Variants in NSUN6 observed in about 807,000 individuals in gnomAD.
The protein encoded by NSUN6 is tRNA (cytosine(72)-C(5))-methyltransferase NSUN6.
Under a neutral mutation model 58.0 loss-of-function variants are expected in NSUN6, and 64 were observed. The observed-to-expected ratio is 1.10, with a 90% CI of 0.90 to 1.36. NSUN6 has a LOEUF of 1.36. Among genes scored for constraint, NSUN6 ranks in the 40% most tolerant of loss-of-function variants. The probability of loss-of-function intolerance (pLI) is 0.00; values close to 1 mark genes in which losing one functional copy is unlikely to be tolerated. For missense variants in NSUN6, 701 were observed against 550.1 expected, an observed-to-expected ratio of 1.27 and a Z score of -2.74; for synonymous variants, 231 against 193.9, an observed-to-expected ratio of 1.19 and a Z score of -1.59.
intron 9 of NSUN6, among the ~76,000 whole-genome samples, chr10:18,550,088 G>A (rs1226229977): frequency 1.3e-5 from 2 of 152,214 alleles, no homozygotes; most frequent in African/African-American, 4.8e-5. Context: ...CTATATTCTA[G>A]TTCTCTCTGA....
chr10:18,583,929 C>A (rs7895775), intron 8 of NSUN6, among the ~76,000 whole-genome samples: 1 of 152,014 alleles, frequency 6.6e-6, no homozygotes. Context: ...GTTTCCTACT[C>A]AGCCCTTCAG....
rs548328198 is a variant in NSUN6 at position 18,627,742 on chromosome 10, G to A, written c.312-11449C>T. Among the ~76,000 whole-genome samples, 5 of 152,298 alleles carry A rather than the reference G, an allele frequency of 3.3e-5. No homozygotes were observed. The East Asian group carries it at 7.7e-4, about 24-fold the overall frequency. Reference sequence around the variant, plus strand: ...GGAGCACCAGGAGACTATATCCCGCGGCTCGGAGGGTCCTACGCCCACGGA... The same window carrying A: ...GGAGCACCAGGAGACTATATCCCGCAGCTCGGAGGGTCCTACGCCCACGGA... On this transcript the variant is annotated intron_variant, in intron 3 of 10. Coordinates refer to ENST00000377304, the MANE Select transcript of NSUN6 (RefSeq NM_182543.5).
chr10:18,640,539 G>A (rs895202145), intron 3 of NSUN6, among the ~76,000 whole-genome samples: 1 of 152,118 alleles, frequency 6.6e-6, no homozygotes, highest in Non-Finnish European at 1.5e-5. Flanking sequence ...TGTGATTATG[G>A]TCTATTATAG....
At chr10:18,607,738 G>A (rs774711481) in intron 6 of NSUN6, among the ~76,000 whole-genome samples, 123 of 152,322 alleles carry the variant, frequency 8.1e-4, no homozygotes, top group Admixed American at 1.9e-3. Flanking sequence ...TTGGCATGGG[G>A]CCAAGAATAC....
At chr10:18,573,866 T>C (rs2056517241) in intron 8 of NSUN6, among the ~76,000 whole-genome samples, 1 of 152,124 alleles carries the variant, frequency 6.6e-6, no homozygotes, top group Non-Finnish European at 1.5e-5. Context: ...CGGGAAATTT[T>C]TAGGCTTAGT....
upstream of NSUN6, among the ~76,000 whole-genome samples, chr10:18,653,652 C>T (rs1187185673): frequency 6.6e-6 from 1 of 152,146 alleles, no homozygotes; most frequent in Non-Finnish European, 1.5e-5. Context: ...GGATTACAGG[C>T]GTGAGCCACC....
At chr10:18,571,998 T>C (rs111208120) in intron 8 of NSUN6, among the ~76,000 whole-genome samples, 31 of 151,476 alleles carry the variant, frequency 2.0e-4, no homozygotes, top group African/African-American at 7.3e-4. Flanking sequence ...CCAGTCTCCA[T>C]TCCATTCCAT....
In NSUN6 at chr10:18,645,699, G is replaced by A. The variant is rs78389936; in HGVS notation, c.231+2791C>T. Among the ~76,000 whole-genome samples, 60 of 152,264 alleles carry A rather than the reference G, an allele frequency of 3.9e-4. No homozygotes were observed. In the East Asian group the frequency reaches 0.011, roughly 29 times the overall value. ...TGCTGCTATGAACATTCATGCTGGA[G>A]AATTTATATGAACATATGTTTTCAT... On this transcript the variant is annotated intron_variant, in intron 2 of 10. Coordinates refer to ENST00000377304, the MANE Select transcript of NSUN6 (RefSeq NM_182543.5).
intron 3 of NSUN6, among the ~76,000 whole-genome samples, chr10:18,635,808 A>C (rs1459386856): frequency 6.6e-6 from 1 of 151,672 alleles, no homozygotes; most frequent in Non-Finnish European, 1.5e-5. Flanking sequence ...ACTGCACTCC[A>C]GTCTGGGTGA....
intron 9 of NSUN6, among the ~76,000 whole-genome samples, chr10:18,551,023 C>A (rs2054565559): frequency 1.3e-5 from 2 of 152,018 alleles, no homozygotes; most frequent in African/African-American, 4.8e-5. Context: ...ACCATACTAG[C>A]CAATAACTCT....
chr10:18,566,584 C>T (rs188787899), intron 8 of NSUN6, among the ~76,000 whole-genome samples: 4 of 148,382 alleles, frequency 2.7e-5, no homozygotes, highest in Non-Finnish European at 6.0e-5. Context: ...TTGCATTCTA[C>T]TCTCCATTCC....
At chr10:18,546,972 A>G (rs2054308160) in intron 10 of NSUN6, among the ~76,000 whole-genome samples, 2 of 152,178 alleles carry the variant, frequency 1.3e-5, no homozygotes, top group Admixed American at 1.3e-4. Flanking sequence ...AAAAGAAAAA[A>G]GAAAGCAACA....
intron 3 of NSUN6, among the ~76,000 whole-genome samples, chr10:18,619,743 T>C (rs188333056): frequency 6.6e-6 from 1 of 152,330 alleles, no homozygotes; most frequent in East Asian, 1.9e-4. Flanking sequence ...TTCTCCAGGT[T>C]TGCAATTCAA....
intron 2 of NSUN6, among the ~76,000 whole-genome samples, chr10:18,646,187 T>G (rs12359758): frequency 0.35 from 53,060 of 151,948 alleles, 9,823 homozygotes; most frequent in East Asian, 0.73. Context: ...AGAGCGAGAC[T>G]CCATCTAAAA....
intron 3 of NSUN6, among the ~76,000 whole-genome samples, chr10:18,619,227 T>C (rs1005199438): frequency 2.6e-5 from 4 of 152,198 alleles, no homozygotes; most frequent in African/African-American, 9.7e-5. Flanking sequence ...TACCCAGGAA[T>C]TGGCTTGGGA....
intron 3 of NSUN6, among the ~76,000 whole-genome samples, chr10:18,639,915 GT>G (rs2059340621): frequency 6.6e-6 from 1 of 152,146 alleles, no homozygotes; most frequent in Admixed American, 6.5e-5. Context: ...CTTTGAACTG[GT>G]TATTCTGTGT....
In NSUN6 at chr10:18,604,586, C is replaced by T. The variant is rs182300527; in HGVS notation, c.657+5259G>A. 4.7e-3 allele frequency among the ~76,000 whole-genome samples: 716 copies of T among 152,072 alleles called. 21 individuals carry two copies. Among genetic ancestry groups the T allele is most frequent in the Non-Finnish European group, 8.8e-4 (60 of 68,004 alleles). On this transcript the variant is annotated intron_variant, in intron 6 of 10. Coordinates refer to ENST00000377304, the MANE Select transcript of NSUN6 (RefSeq NM_182543.5). The stretch of plus-strand genomic sequence containing the variant: ...CCACAAGATTTTTATTATATTTGTA[C>T]GTTAAAGTGTAGGAAGGCCAGGCAT...
chr10:18,567,739 T>C (rs964768382), intron 8 of NSUN6, among the ~76,000 whole-genome samples: 2 of 98,558 alleles, frequency 2.0e-5, no homozygotes, highest in African/African-American at 3.8e-5. Flanking sequence ...CCATTCTGCA[T>C]TTCATTCCAT....
intron 3 of NSUN6, among the ~76,000 whole-genome samples, chr10:18,616,920 G>A (rs796739530): frequency 1.1e-4 from 17 of 152,248 alleles, no homozygotes; most frequent in African/African-American, 3.4e-4. Flanking sequence ...ACAACTCACT[G>A]CTGGGGGAAT....
Sources: gnomAD v4.1 joint callset for allele counts (sites outside exome capture counted in the v4.1 genomes callset) on GRCh38, gnomAD v4.1.1 for gene constraint, MANE v1.5 for transcripts, NCBI Gene and HGNC (gene_info 2026-07-23, HGNC 2026-07-21) for gene names.